ZMIZ1: variants seen among roughly 807,000 people sequenced by gnomAD.
The protein encoded by ZMIZ1 is zinc finger MIZ-type containing 1.
Under a neutral mutation model 113.9 loss-of-function variants are expected in ZMIZ1, and 17 were observed. That is an observed-to-expected ratio of 0.15 (90% CI 0.10 to 0.22). ZMIZ1 has a LOEUF of 0.22. Among genes scored for constraint, ZMIZ1 ranks in the 10% least tolerant of loss-of-function variants. The pLI is 1.00. For missense variants in ZMIZ1, 1,059 were observed against 1,477.8 expected, an observed-to-expected ratio of 0.72 and a Z score of 4.65; for synonymous variants, 607 against 603.1, an observed-to-expected ratio of 1.01 and a Z score of -0.09.
intron 2 of ZMIZ1, among the ~76,000 whole-genome samples, chr10:79,133,669 C>A (rs1312945177): frequency 6.6e-6 from 1 of 152,140 alleles, no homozygotes; most frequent in Non-Finnish European, 1.5e-5. Context: ...ACACTAAGCA[C>A]CCCCCTCCCC....
In ZMIZ1 at chr10:79,165,948, C is replaced by CTGTGTGTGTGTGTGTGTGTGTGTGTG. The variant is rs1174980856; in HGVS notation, c.-50+3844_-50+3869dup. On this transcript the variant is annotated intron_variant, in intron 4 of 24. Transcript: ENST00000334512. ...CCTTGGCCTCCAAGCCCCAGCTCAG[C>CTGTGTGTGTGTGTGTGTGTGTGTGTG]TGTGTGTGTGTGTGTGTGTGTGTGT... 5.8e-4 allele frequency among the ~76,000 whole-genome samples: 35 copies of CTGTGTGTGTGTGTGTGTGTGTGTGTG among 59,836 alleles called. 2 individuals are homozygous for CTGTGTGTGTGTGTGTGTGTGTGTGTG. The highest frequency in any genetic ancestry group is 2.5e-3 in the East Asian group (6 of 2,382). 39.3% of individuals were successfully genotyped at this position (59,836 alleles called of 152,430 possible). A position where few individuals can be genotyped will look rare whatever the true frequency, so the allele number is the denominator to read the frequency against.
chr10:79,124,088 G>A (rs912453235), intron 2 of ZMIZ1, among the ~76,000 whole-genome samples: 4 of 152,332 alleles, frequency 2.6e-5, no homozygotes, highest in Admixed American at 2.6e-4. Context: ...TCCTGCCCAA[G>A]GTAGGATGCC....
chr10:79,180,542 C>A (rs891770951), intron 4 of ZMIZ1, among the ~76,000 whole-genome samples: 2 of 152,208 alleles, frequency 1.3e-5, no homozygotes, highest in African/African-American at 4.8e-5. Context: ...TAGGCCCTGC[C>A]GCCCCTTTGC....
intron 3 of ZMIZ1, among the ~76,000 whole-genome samples, chr10:79,142,899 G>A (rs769077717): frequency 1.4e-4 from 21 of 152,210 alleles, no homozygotes; most frequent in Admixed American, 5.2e-4. Flanking sequence ...TCCCTATTGA[G>A]CACCTGAGCA....
At chr10:79,135,546 C>T (rs546463886) in intron 2 of ZMIZ1, among the ~76,000 whole-genome samples, 1 of 152,364 alleles carries the variant, frequency 6.6e-6, no homozygotes, top group Non-Finnish European at 1.5e-5. Flanking sequence ...ATAGGTGAGA[C>T]ACTGACTGGC....
At chr10:79,165,073 T>C in intron 4 of ZMIZ1, among the ~76,000 whole-genome samples, 1 of 150,146 alleles carries the variant, frequency 6.7e-6, no homozygotes, top group Non-Finnish European at 1.5e-5. Flanking sequence ...GTGGGTTGGG[T>C]AGGGGGGTGG....
intron 5 of ZMIZ1, among the ~76,000 whole-genome samples, chr10:79,204,368 T>C (rs1848224502): frequency 6.6e-6 from 1 of 152,232 alleles, no homozygotes; most frequent in Non-Finnish European, 1.5e-5. Flanking sequence ...GCTCCCTCTC[T>C]GCAACATGCC....
At chr10:79,098,475 T>C (rs1210793944) in intron 1 of ZMIZ1, among the ~76,000 whole-genome samples, 2 of 152,232 alleles carry the variant, frequency 1.3e-5, no homozygotes, top group African/African-American at 4.8e-5. Flanking sequence ...GTGGTGATAG[T>C]TGACCACCTA....
chr10:79,119,651 A>C (rs890610374), intron 2 of ZMIZ1, among the ~76,000 whole-genome samples: 6 of 152,086 alleles, frequency 3.9e-5, no homozygotes, highest in Admixed American at 1.3e-4. Flanking sequence ...CAGGGCAATT[A>C]TGGGTGTCTT....
chr10:79,188,251 C>T (rs1005144420), intron 4 of ZMIZ1, among the ~76,000 whole-genome samples: 11 of 152,212 alleles, frequency 7.2e-5, no homozygotes, highest in African/African-American at 2.4e-4. Flanking sequence ...TGGGCCTGCA[C>T]ACACCCTGGC....
intron 18 of ZMIZ1, 47 bp from the exon 19 acceptor site, chr10:79,303,968 C>T (rs1854511689): frequency 6.2e-7 from 1 of 1,610,942 alleles, no homozygotes; most frequent in Non-Finnish European, 8.5e-7. Context: ...CCTACCTCTG[C>T]AGGACTGTCT....
chr10:79,083,617 G>C (rs1010182864), intron 1 of ZMIZ1, among the ~76,000 whole-genome samples: 2 of 152,240 alleles, frequency 1.3e-5, no homozygotes, highest in East Asian at 3.8e-4. Flanking sequence ...ATAGACTGAA[G>C]GGACAAGGGT....
chr10:79,285,922 G>GAGGCCC (rs899415752), intron 8 of ZMIZ1, among the ~76,000 whole-genome samples: 2 of 152,244 alleles, frequency 1.3e-5, no homozygotes, highest in Admixed American at 1.3e-4. Flanking sequence ...AAGAGGCACA[G>GAGGCCC]AGGCCCCTGT....
chr10:79,069,657 G>T lies in ZMIZ1; in HGVS notation c.-337+387G>T, dbSNP rs1416331478. Reference sequence around the variant, plus strand: ...GAATCGGAGGAGGGAGGGAAGGACCGCCTCGGTCTCCTTCGCCTCCTCTGG... The same window carrying T: ...GAATCGGAGGAGGGAGGGAAGGACCTCCTCGGTCTCCTTCGCCTCCTCTGG... On this transcript the variant is annotated intron_variant, in intron 1 of 24. Transcript: ENST00000334512. This position sits in a 1 kb window ranked among gnomAD's most constrained non-coding sequence, Gnocchi z 4.6. 6.6e-6 allele frequency among the ~76,000 whole-genome samples: 1 copy of T among 152,090 alleles called. No homozygotes were observed. Among genetic ancestry groups the T allele is most frequent in the African/African-American group, 2.4e-5 (1 of 41,424 alleles).
intron 1 of ZMIZ1, among the ~76,000 whole-genome samples, chr10:79,097,257 G>A (rs916703831): frequency 1.3e-5 from 2 of 152,188 alleles, no homozygotes; most frequent in South Asian, 2.1e-4. Context: ...GCCTCCCACC[G>A]GCCACCTCCA....
intron 7 of ZMIZ1, among the ~76,000 whole-genome samples, chr10:79,218,161 G>A (rs1432315032): frequency 6.6e-6 from 1 of 152,182 alleles, no homozygotes. Flanking sequence ...GGGTTGGCTG[G>A]TTCCACGAAA....
intron 7 of ZMIZ1, among the ~76,000 whole-genome samples, chr10:79,253,611 G>A (rs1046086778): frequency 1.3e-5 from 2 of 152,142 alleles, no homozygotes; most frequent in African/African-American, 4.8e-5. Flanking sequence ...GTAGAGGTGC[G>A]GCCTGAACTC....
At chr10:79,137,377 G>A (rs1845050551) in intron 2 of ZMIZ1, among the ~76,000 whole-genome samples, 1 of 152,236 alleles carries the variant, frequency 6.6e-6, no homozygotes, top group Non-Finnish European at 1.5e-5. Context: ...GGTCTCTGAA[G>A]GAGTCTTCTC....
chr10:79,266,674 C>A (rs554577598), intron 7 of ZMIZ1, among the ~76,000 whole-genome samples: 1 of 152,116 alleles, frequency 6.6e-6, no homozygotes, highest in African/African-American at 2.4e-5. Flanking sequence ...GCCCCCGGTC[C>A]GAGGACTGTG....
Sources: allele counts gnomAD v4.1 joint callset (sites outside exome capture counted in the v4.1 genomes callset), GRCh38; gene constraint gnomAD v4.1.1; non-coding constraint Gnocchi (gnomAD v3.1); transcripts MANE v1.5; gene names NCBI Gene and HGNC (gene_info 2026-07-23, HGNC 2026-07-21).